Variants in P2RX5 observed in about 807,000 individuals in gnomAD.
The protein encoded by P2RX5 is P2X purinoceptor 5.
A neutral mutation model predicts 54.1 loss-of-function variants in P2RX5; 46 were observed. The ratio of observed to expected loss-of-function variants is 0.85; its 90% CI spans 0.67 to 1.09. The LOEUF is 1.09. Among genes scored for constraint, P2RX5 ranks in the 50% least tolerant of loss-of-function variants. The pLI is 0.00. For synonymous variants in P2RX5, 226 were observed against 226.4 expected (o/e 1.00, Z 0.02); for missense variants, 566 against 549.8 (o/e 1.03, Z -0.29).
the P2RX5 span, among the ~76,000 whole-genome samples, chr17:3,706,244 C>T: frequency 6.0e-4 from 92 of 152,094 alleles, no homozygotes; most frequent in African/African-American, 2.1e-3. Flanking sequence ...TGAGTCATCA[C>T]GCCTGGCCCC....
chr17:3,723,461 A>G, the P2RX5 span: 1 of 1,133,788 alleles, frequency 8.8e-7, no homozygotes. Context: ...TCGGACACAG[A>G]GCATCGTAAG....
chr17:3,682,469 T>C, intron 9 of P2RX5: 1 of 207,828 alleles, frequency 4.8e-6, no homozygotes, highest in South Asian at 7.4e-5. Context: ...GGAAGGACAT[T>C]ACGGAGGGAG....
intron 11 of P2RX5, chr17:3,675,373 A>C: frequency 1.0e-6 from 1 of 985,256 alleles, no homozygotes; most frequent in Non-Finnish European, 1.2e-6. Flanking sequence ...TGAAACAAAT[A>C]GTATGACTAT....
rs555549879 is a variant in P2RX5, at chr17:3,674,684, C to A, written c.1260-807G>T. On this transcript the variant is annotated intron_variant, in intron 11 of 11. Transcript: ENST00000225328. ...GTCTGCCGCCTTCACCCAGGTTCTC[C>A]GTTGCTCCTTCCCATATCAAAGCGT... 4.6e-5 allele frequency among the ~76,000 whole-genome samples: 7 copies of A among 152,370 alleles called. No homozygotes were observed. The South Asian group carries it at 1.4e-3, about 32-fold the overall frequency.
intron 1 of P2RX5, chr17:3,692,049 C>T: frequency 5.8e-6 from 3 of 521,020 alleles, no homozygotes; most frequent in South Asian, 2.0e-5. Flanking sequence ...CAGCCGGGCG[C>T]AGTGGCTCAC....
the P2RX5 span, among the ~76,000 whole-genome samples, chr17:3,710,479 A>G: frequency 3.9e-5 from 6 of 152,016 alleles, no homozygotes; most frequent in East Asian, 1.2e-3. Context: ...CCTTGATTCC[A>G]TATACTGAAT....
chr17:3,677,190 T>G, intron 11 of P2RX5: 1 of 985,260 alleles, frequency 1.0e-6, no homozygotes, highest in Non-Finnish European at 1.2e-6. Context: ...AGGGCCTCCC[T>G]AACTCAGCCC....
In P2RX5 at chr17:3,678,185, G is replaced by A. The variant is rs1026152668; in HGVS notation, c.1259+1405C>T. Reference sequence around the variant, plus strand: ...CACAGGGCAGAGAGGACTGTCGGGAGCCGGTGGGTGGGCCAGCCTCACCAG... The same window carrying A: ...CACAGGGCAGAGAGGACTGTCGGGAACCGGTGGGTGGGCCAGCCTCACCAG... On this transcript the variant is annotated intron_variant, in intron 11 of 11. Transcript: ENST00000225328. 3 of 844,808 alleles carry A rather than the reference G, an allele frequency of 3.6e-6. No homozygotes were observed. In the South Asian group the frequency reaches 1.6e-4, roughly 46 times the overall value. 52.3% of individuals were successfully genotyped at this position (844,808 alleles called of 1,614,324 possible). A position where few individuals can be genotyped will look rare whatever the true frequency, so the allele number is the denominator to read the frequency against.
At chr17:3,684,885 G>A (rs1176485682) in intron 9 of P2RX5, among the ~76,000 whole-genome samples, 2 of 109,334 alleles carry the variant, frequency 1.8e-5, no homozygotes. Context: ...TGCTCTTGTT[G>A]TCCAGGCTGG....
the P2RX5 span, among the ~76,000 whole-genome samples, chr17:3,719,424 T>C: frequency 6.6e-6 from 1 of 152,184 alleles, no homozygotes; most frequent in South Asian, 2.1e-4. Context: ...GAATCATGCC[T>C]AACTAAAGAG....
chr17:3,711,978 A>G, the P2RX5 span, among the ~76,000 whole-genome samples: 5 of 145,264 alleles, frequency 3.4e-5, no homozygotes, highest in African/African-American at 5.3e-5. Context: ...TCTAACGCCA[A>G]TTGGATCAGC....
chr17:3,723,809 C>CGGCCCA, the P2RX5 span: 2 of 1,581,476 alleles, frequency 1.3e-6, no homozygotes, highest in African/African-American at 2.7e-5. Flanking sequence ...CGTCCCGTCC[C>CGGCCCA]GGCCCCGGCC....
chr17:3,696,791 C>T (rs1171843818), upstream of P2RX5, among the ~76,000 whole-genome samples: 1 of 152,174 alleles, frequency 6.6e-6, no homozygotes, highest in Non-Finnish European at 1.5e-5. Flanking sequence ...AAAGAAATCC[C>T]AAAGGGTTCT....
At chr17:3,721,314 C>T in the P2RX5 span, among the ~76,000 whole-genome samples, 6 of 123,382 alleles carry the variant, frequency 4.9e-5, no homozygotes, top group African/African-American at 9.5e-5. Context: ...CTCTGTTACT[C>T]GGGCCGGAAT....
At chr17:3,705,215 T>G in the P2RX5 span, among the ~76,000 whole-genome samples, 1 of 152,174 alleles carries the variant, frequency 6.6e-6, no homozygotes, top group Non-Finnish European at 1.5e-5. Context: ...GCAATGAGAA[T>G]GAGTGTGAGA....
rs1207606409 is a variant in P2RX5, at chr17:3,679,580, G to C, written c.1259+10C>G. On this transcript the variant is annotated intron_variant, in intron 11 of 11. Transcript: ENST00000225328. ...CAGCTGTCGGGCTCTCTGCCTAGCA[G>C]TGGCCTCACCTGTGGGGCTCCAGGA... 1.2e-6 allele frequency: 2 copies of C among 1,605,202 alleles called. No individual in the cohort carries two copies. The highest frequency in any genetic ancestry group is 1.7e-6 in the Non-Finnish European group (2 of 1,179,574).
At chr17:3,679,843 A>T (rs1597698179) in intron 10 of P2RX5, 59 bp from the exon 11 acceptor site, 1 of 1,474,664 alleles carries the variant, frequency 6.8e-7, no homozygotes, top group Middle Eastern at 1.7e-4. Flanking sequence ...CCCCTCCTAG[A>T]CGGGCGGAGT....
the P2RX5 span, among the ~76,000 whole-genome samples, chr17:3,721,076 AC>A: frequency 6.7e-6 from 1 of 149,370 alleles, no homozygotes; most frequent in Non-Finnish European, 1.5e-5. Context: ...CCACAGGTGC[AC>A]CCCACCACAC....
At chr17:3,681,026 C>T (rs2050263356) in intron 10 of P2RX5, among the ~76,000 whole-genome samples, 1 of 151,378 alleles carries the variant, frequency 6.6e-6, no homozygotes. Flanking sequence ...CATCCTCCAC[C>T]CTGCGTCCTC....
Sources: allele counts gnomAD v4.1 joint callset (sites outside exome capture counted in the v4.1 genomes callset), GRCh38; gene constraint gnomAD v4.1.1; transcripts MANE v1.5; gene names NCBI Gene and HGNC (gene_info 2026-07-23, HGNC 2026-07-21).